Variants in CRACD observed in about 807,000 individuals in gnomAD.
CRACD encodes the protein capping protein inhibiting regulator of actin dynamics, also known as capping protein-inhibiting regulator of actin dynamics.
A neutral mutation model predicts 106.8 loss-of-function variants in CRACD; 56 were observed. That is an observed-to-expected ratio of 0.52 (90% CI 0.42 to 0.66). The LOEUF (loss-of-function observed/expected upper bound fraction) is 0.66, where lower values mean the gene tolerates loss of function less well. Ranked by LOEUF, CRACD falls within the 30% of genes least tolerant of loss-of-function variation. The probability of loss-of-function intolerance (pLI) is 0.00; values close to 1 mark genes in which losing one functional copy is unlikely to be tolerated. For synonymous variants in CRACD, 754 were observed against 670.8 expected (o/e 1.12, Z -1.92); for missense variants, 1,730 against 1,623.2 (o/e 1.07, Z -1.13).
At chr4:56,127,082 T>C (rs919881957) in intron 1 of CRACD, among the ~76,000 whole-genome samples, 2 of 152,104 alleles carry the variant, frequency 1.3e-5, no homozygotes, top group African/African-American at 2.4e-5. Flanking sequence ...CATGAGTAGG[T>C]TAGGTGCTCT....
chr4:56,309,864 T>A (rs965198713), intron 5 of CRACD, among the ~76,000 whole-genome samples: 8 of 151,298 alleles, frequency 5.3e-5, no homozygotes, highest in African/African-American at 1.2e-4. Context: ...AAAAAAAATA[T>A]ATATATATAA....
chr4:56,181,238 G>A (rs1156420676), intron 2 of CRACD, among the ~76,000 whole-genome samples: 3 of 152,186 alleles, frequency 2.0e-5, no homozygotes, highest in Non-Finnish European at 2.9e-5. Flanking sequence ...GGGCCTCATC[G>A]AGGAAAGGCA....
chr4:56,066,354 G>A (rs1051110764), intron 1 of CRACD, among the ~76,000 whole-genome samples: 8 of 152,136 alleles, frequency 5.3e-5, no homozygotes, highest in Non-Finnish European at 1.0e-4. Context: ...TTCTACACGA[G>A]GAGTTTTTCA....
chr4:56,090,050 C>T (rs555459831), intron 1 of CRACD, among the ~76,000 whole-genome samples: 3 of 151,936 alleles, frequency 2.0e-5, no homozygotes, highest in East Asian at 1.9e-4. Context: ...CCAAAAACTA[C>T]TCCTCATGAG....
At chr4:56,317,005 A>C (rs528086532) in intron 8 of CRACD, among the ~76,000 whole-genome samples, 1 of 152,308 alleles carries the variant, frequency 6.6e-6, no homozygotes, top group East Asian at 1.9e-4. Flanking sequence ...TGGTGCCTTA[A>C]TGTCAGCAAG....
intron 1 of CRACD, among the ~76,000 whole-genome samples, chr4:56,122,432 A>G (rs1332625406): frequency 3.3e-5 from 5 of 152,196 alleles, no homozygotes; most frequent in African/African-American, 1.2e-4. Flanking sequence ...TATAGACATT[A>G]TATCCCCTTA....
chr4:56,230,442 A>G (rs371499224), intron 2 of CRACD, among the ~76,000 whole-genome samples: 7 of 152,194 alleles, frequency 4.6e-5, no homozygotes, highest in African/African-American at 1.7e-4. Context: ...GCCCCGGTGG[A>G]GGACACAAGA....
At chr4:56,117,007 C>T (rs931013360) in intron 1 of CRACD, among the ~76,000 whole-genome samples, 4 of 147,672 alleles carry the variant, frequency 2.7e-5, no homozygotes, top group Admixed American at 6.8e-5. Context: ...CACACCTAGC[C>T]GAATTTTTAA....
chr4:56,276,783 G>A (rs1176508079), intron 3 of CRACD, among the ~76,000 whole-genome samples: 1 of 152,204 alleles, frequency 6.6e-6, no homozygotes. Flanking sequence ...ATGTCTGCCT[G>A]CCTCCAGCTG....
chr4:56,159,943 G>A (rs910465580), intron 1 of CRACD, among the ~76,000 whole-genome samples: 3 of 151,176 alleles, frequency 2.0e-5, no homozygotes, highest in Non-Finnish European at 2.9e-5. Context: ...CACCACGCCC[G>A]GCTAATTTTG....
intron 1 of CRACD, among the ~76,000 whole-genome samples, chr4:56,166,675 CAAAA>C (rs35537364): frequency 1.1e-5 from 1 of 92,756 alleles, no homozygotes; most frequent in Non-Finnish European, 2.0e-5. Flanking sequence ...CACTCTGTCT[CAAAA>C]AAAAAAAAAA....
At chr4:56,312,932 T>C (rs1745248632) in intron 6 of CRACD, among the ~76,000 whole-genome samples, 1 of 152,228 alleles carries the variant, frequency 6.6e-6, no homozygotes, top group African/African-American at 2.4e-5. Context: ...CTGAACCTCA[T>C]ATTAGTCAAA....
chr4:56,217,654 T>G (rs1289451785), intron 2 of CRACD, among the ~76,000 whole-genome samples: 1 of 151,918 alleles, frequency 6.6e-6, no homozygotes, highest in African/African-American at 2.4e-5. Flanking sequence ...ACTTAAAGAG[T>G]CCGTTCTGTC....
intron 2 of CRACD, among the ~76,000 whole-genome samples, chr4:56,249,019 A>G (rs1325209649): frequency 2.6e-5 from 2 of 77,074 alleles, no homozygotes; most frequent in African/African-American, 9.8e-5. Context: ...ATTGTGAATA[A>G]TACCGCAATA....
intron 1 of CRACD, among the ~76,000 whole-genome samples, chr4:56,070,822 TACTGC>T (rs1246036144): frequency 7.4e-6 from 1 of 134,844 alleles, no homozygotes; most frequent in Non-Finnish European, 1.6e-5. Flanking sequence ...GTTGGGTAAA[TACTGC>T]AGGAATGCCA....
At chr4:56,080,265 T>C (rs936521476) in intron 1 of CRACD, among the ~76,000 whole-genome samples, 4 of 152,176 alleles carry the variant, frequency 2.6e-5, no homozygotes. Flanking sequence ...CTCAAAATAG[T>C]AGTGTTTGCT....
intron 2 of CRACD, among the ~76,000 whole-genome samples, chr4:56,251,754 C>A (rs1048590761): frequency 2.0e-4 from 30 of 152,184 alleles, no homozygotes; most frequent in Admixed American, 1.7e-3. Context: ...ATCGCTCTGG[C>A]AGCTCTCAGC....
chr4:56,218,846 C>T (rs1738879675), intron 2 of CRACD, among the ~76,000 whole-genome samples: 1 of 152,078 alleles, frequency 6.6e-6, no homozygotes, highest in African/African-American at 2.4e-5. Context: ...AAGAATCTCA[C>T]AAGAATTATT....
chr4:56,147,116 C>A (rs1050669652), intron 1 of CRACD, among the ~76,000 whole-genome samples: 61 of 152,234 alleles, frequency 4.0e-4, no homozygotes, highest in South Asian at 2.1e-4. Context: ...GTTCCCAACT[C>A]CCCTTGAGTA....
Sources: gnomAD v4.1 joint callset for allele counts (sites outside exome capture counted in the v4.1 genomes callset) on GRCh38, gnomAD v4.1.1 for gene constraint, MANE v1.5 for transcripts, NCBI Gene and HGNC (gene_info 2026-07-23, HGNC 2026-07-21) for gene names.